Variants in ADAD1 observed in about 807,000 individuals in gnomAD.
ADAD1 encodes adenosine deaminase domain containing 1, also known as adenosine deaminase domain-containing protein 1.
ADAD1 carries 46 observed loss-of-function variants against 66.8 expected under a neutral mutation model. The ratio of observed to expected loss-of-function variants is 0.69; its 90% CI spans 0.54 to 0.88. The LOEUF (loss-of-function observed/expected upper bound fraction) is 0.88. ADAD1 is among the 40% of genes least tolerant of loss of function. ADAD1 has a pLI of 0.00. For synonymous variants in ADAD1, 248 were observed against 229.4 expected, an observed-to-expected ratio of 1.08 and a Z score of -0.73; for missense variants, 617 against 681.8, an observed-to-expected ratio of 0.91 and a Z score of 1.06.
chr4:122,408,543 T>C (rs1796324673), intron 8 of ADAD1, among the ~76,000 whole-genome samples: 1 of 152,180 alleles, frequency 6.6e-6, no homozygotes, highest in African/African-American at 2.4e-5. Flanking sequence ...CCCAAAGTGC[T>C]GGGATTACAG....
chr4:122,404,548 T>G (rs1796122608), intron 7 of ADAD1, among the ~76,000 whole-genome samples: 1 of 152,186 alleles, frequency 6.6e-6, no homozygotes, highest in Non-Finnish European at 1.5e-5. Flanking sequence ...CTCACAGAGT[T>G]TGCAATGGCA....
chr4:122,385,652 C>T (rs938290537), intron 5 of ADAD1, among the ~76,000 whole-genome samples: 1 of 152,130 alleles, frequency 6.6e-6, no homozygotes, highest in African/African-American at 2.4e-5. Flanking sequence ...TGTGCCATGG[C>T]AGTTTGCTTT....
intron 9 of ADAD1, 67 bp from the exon 10 acceptor site, chr4:122,412,513 G>A: frequency 7.8e-7 from 1 of 1,287,192 alleles, no homozygotes; most frequent in South Asian, 1.3e-5. Context: ...ACAGCTGTTA[G>A]GTACAGGTAG....
At position 122,421,254 on chromosome 4, in the gene ADAD1, T is replaced by G; in HGVS notation, c.1488-7T>G. ...AAATTTAAAAAATTTTATTTCTCTC[T>G]GCTTAGTTCCCCATTTAAAAGTGGT... On this transcript the variant is annotated splice_polypyrimidine_tract_variant and splice_region_variant and intron_variant, in intron 11 of 12. Transcript: ENST00000296513. 1 of 1,554,000 alleles carries G rather than the reference T, an allele frequency of 6.4e-7. No homozygotes were observed. The highest frequency in any genetic ancestry group is 2.3e-5 in the East Asian group (1 of 44,076).
intron 8 of ADAD1, among the ~76,000 whole-genome samples, chr4:122,408,461 A>G (rs879411872): frequency 3.9e-5 from 6 of 152,164 alleles, no homozygotes; most frequent in Admixed American, 3.9e-4. Context: ...ATTTTAGTAG[A>G]GACAAGGTTT....
chr4:122,411,443 A>G (rs980818844), intron 9 of ADAD1, 51 bp downstream of exon 9: 62 of 1,502,920 alleles, frequency 4.1e-5, no homozygotes, highest in Non-Finnish European at 5.4e-5. Context: ...GCCATGCCAT[A>G]CATTCTGACT....
rs1424788095 is a variant in ADAD1, at chr4:122,379,395, C to T, written c.-59C>T. Reference sequence around the variant, plus strand: ...AGGTGACGCAAGACGCGGAGCTCGGCTGCACGACGCTGGCGCAAGCGCGGG... The same window carrying T: ...AGGTGACGCAAGACGCGGAGCTCGGTTGCACGACGCTGGCGCAAGCGCGGG... On this transcript the variant is annotated 5_prime_UTR_variant, in exon 2 of 13. Coordinates refer to ENST00000296513, the MANE Select transcript of ADAD1 (RefSeq NM_139243.4). 1 of 152,438 alleles carries T rather than the reference C, an allele frequency of 6.6e-6. No homozygotes were observed. Among genetic ancestry groups the T allele is most frequent in the Non-Finnish European group, 1.5e-5 (1 of 68,104 alleles). 9.4% of individuals were successfully genotyped at this position (152,438 alleles called of 1,614,324 possible). A position where few individuals can be genotyped will look rare whatever the true frequency, so the allele number is the denominator to read the frequency against.
chr4:122,396,290 G>T lies in ADAD1; in HGVS notation c.637G>T (p.Val213Phe). 1 of 1,597,282 alleles carries T rather than the reference G, an allele frequency of 6.3e-7. No individual in the cohort carries two copies. Among genetic ancestry groups the T allele is most frequent in the Non-Finnish European group, 8.5e-7 (1 of 1,173,028 alleles). The change falls in exon 7 of 13, where the codon GTT becomes TTT. Residue 213 changes from valine to phenylalanine, a missense_variant. By Grantham distance (50) the Val-to-Phe change is conservative. Transcript: ENST00000296513. ...HIQYAKISQI[V>F]KERFNQLISN... ...TCAATATGCAAAGATTTCACAGATC[G>T]TTAAAGAAAGATTTAATCAACTAAT...
rs1333420540 is a variant in ADAD1, at chr4:122,414,949, A to AT, written c.1250-427dup. Reference sequence around the variant, plus strand: ...GCATTGTGGTATTGGCAAAGTTGTAATTTGTGGCCCTTAGATGTTTGAAAG... The same window carrying AT: ...GCATTGTGGTATTGGCAAAGTTGTAATTTTGTGGCCCTTAGATGTTTGAAAG... On this transcript the variant is annotated intron_variant, in intron 10 of 12. Coordinates refer to ENST00000296513, the MANE Select transcript of ADAD1 (RefSeq NM_139243.4). Among the ~76,000 whole-genome samples, 18 of 141,268 alleles carry AT rather than the reference A, an allele frequency of 1.3e-4. No homozygotes were observed. In the Admixed American group the frequency reaches 1.3e-3, roughly 10 times the overall value. The allele number at this position is 141,268 out of a possible 152,430, so 92.7% of individuals were successfully genotyped here. A position where few individuals can be genotyped will look rare whatever the true frequency, so the allele number is the denominator to read the frequency against.
Position 122,415,429 on chromosome 4 carries a change from C to A in ADAD1, c.1300C>A (p.Arg434Ser). ...AGGCTTAGAAATCGCTATAAAGCAA[C>A]GTGTTGATGATGCACTCACTTCAAA... ...TRGLEIAIKQ[R>S]VDDALTSKLP... Residue 434 changes from arginine (R) to serine (S), a missense_variant, in exon 11 of 13, where the codon CGT becomes AGT. Physicochemically the swap from Arg to Ser is moderately radical, Grantham distance 110. Coordinates refer to ENST00000296513, the MANE Select transcript of ADAD1 (RefSeq NM_139243.4). 2 of 1,613,786 alleles carry A rather than the reference C, an allele frequency of 1.2e-6. No homozygotes were observed. The highest frequency in any genetic ancestry group is 1.7e-6 in the Non-Finnish European group (2 of 1,179,812).
At chr4:122,426,639 C>T (rs972422717) in intron 12 of ADAD1, among the ~76,000 whole-genome samples, 1 of 152,100 alleles carries the variant, frequency 6.6e-6, no homozygotes, top group Non-Finnish European at 1.5e-5. Flanking sequence ...TACTCCACAA[C>T]CAAGGTGGTT....
chr4:122,429,424 GAA>G (rs367665444), intron 12 of ADAD1, among the ~76,000 whole-genome samples, 200 bp from the exon 13 acceptor site: 1 of 135,392 alleles, frequency 7.4e-6, no homozygotes, highest in Non-Finnish European at 1.6e-5. Context: ...TGGCTCTTAG[GAA>G]AAAAAAAAAA....
intron 12 of ADAD1, 77 bp from the exon 13 acceptor site, chr4:122,429,549 A>G: frequency 1.3e-6 from 1 of 747,752 alleles, no homozygotes; most frequent in Non-Finnish European, 2.1e-6. Flanking sequence ...TTCAAGCTAA[A>G]GAAACAGTAT....
At chr4:122,425,680 T>C (rs1797200152) in intron 12 of ADAD1, among the ~76,000 whole-genome samples, 1 of 151,824 alleles carries the variant, frequency 6.6e-6, no homozygotes, top group African/African-American at 2.4e-5. Flanking sequence ...GAATTTATAT[T>C]GTATTAGGTA....
At chr4:122,401,606 G>T (rs977387921) in intron 7 of ADAD1, among the ~76,000 whole-genome samples, 2 of 151,866 alleles carry the variant, frequency 1.3e-5, no homozygotes, top group East Asian at 3.8e-4. Context: ...TAAAGTCCCC[G>T]ACTATTATTG....
intron 5 of ADAD1, among the ~76,000 whole-genome samples, chr4:122,385,336 G>A (rs531417131): frequency 8.7e-4 from 133 of 152,058 alleles, no homozygotes; most frequent in Middle Eastern, 3.4e-3. Flanking sequence ...GCAGTGGTGC[G>A]ATCTCTGCTC....
At chr4:122,401,247 C>G (rs543306925) in intron 7 of ADAD1, among the ~76,000 whole-genome samples, 1 of 152,018 alleles carries the variant, frequency 6.6e-6, no homozygotes. Flanking sequence ...CATTTGATTT[C>G]ATTGTTGATA....
In ADAD1 at chr4:122,406,505, C is replaced by T. The variant is rs569716453; in HGVS notation, c.725-1403C>T. ...GGTTTGCAAATATTTTCTTCTGTTCCGTAAGTTGTCTTTTTATTTTGTCGA... is the reference window on the plus strand; with the variant it reads ...GGTTTGCAAATATTTTCTTCTGTTCTGTAAGTTGTCTTTTTATTTTGTCGA... On this transcript the variant is annotated intron_variant, in intron 7 of 12. Coordinates refer to ENST00000296513, the MANE Select transcript of ADAD1 (RefSeq NM_139243.4). Among the ~76,000 whole-genome samples the T allele has an allele frequency of 5.9e-5, 9 of 152,116 alleles. 1 individual carries two copies. Among genetic ancestry groups the T allele is most frequent in the Admixed American group, 2.6e-4 (4 of 15,266 alleles).
chr4:122,418,490 T>C (rs1292224143), intron 11 of ADAD1, among the ~76,000 whole-genome samples: 1 of 151,838 alleles, frequency 6.6e-6, no homozygotes, highest in Non-Finnish European at 1.5e-5. Flanking sequence ...ACCCAGCTAA[T>C]TTTTTGTATT....
Sources: gnomAD v4.1 joint callset for allele counts (sites outside exome capture counted in the v4.1 genomes callset) on GRCh38, gnomAD v4.1.1 for gene constraint, MANE v1.5 for transcripts, NCBI Gene and HGNC (gene_info 2026-07-23, HGNC 2026-07-21) for gene names.